The following USP32 variants were observed in gnomAD, a reference collection of about 807,000 sequenced individuals.
USP32 encodes ubiquitin carboxyl-terminal hydrolase 32.
USP32 carries 59 observed loss-of-function variants against 204.8 expected under a neutral mutation model. That is an observed-to-expected ratio of 0.29 (90% CI 0.23 to 0.36). The LOEUF (loss-of-function observed/expected upper bound fraction) is 0.36, where lower values mean the gene tolerates loss of function less well. USP32 is among the 10% of genes least tolerant of loss of function. The pLI, the probability that USP32 is intolerant of heterozygous loss-of-function variation, is 1.00. For synonymous variants in USP32, 517 were observed against 678.4 expected (o/e 0.76, Z 3.70); for missense variants, 1,160 against 1,946.4 (o/e 0.60, Z 7.60).
chr17:60,403,219 T>C (rs2089949908), intron 1 of USP32, among the ~76,000 whole-genome samples: 1 of 152,100 alleles, frequency 6.6e-6, no homozygotes, highest in African/African-American at 2.4e-5. Context: ...GGTTTCACCA[T>C]GTTGGCCAGG....
chr17:60,419,816 A>T (rs1459769479), intron 1 of USP32, among the ~76,000 whole-genome samples: 1 of 101,694 alleles, frequency 9.8e-6, no homozygotes, highest in Non-Finnish European at 1.9e-5. Context: ...AGGTTAAAAA[A>T]AATTATTATT....
chr17:60,337,637 G>A (rs2088552942), intron 2 of USP32, among the ~76,000 whole-genome samples: 1 of 152,146 alleles, frequency 6.6e-6, no homozygotes, highest in Non-Finnish European at 1.5e-5. Context: ...AGCTCTTTGG[G>A]AGGCTGATGA....
chr17:60,268,582 C>CAAAAA (rs57060420), intron 7 of USP32, among the ~76,000 whole-genome samples: 6 of 45,452 alleles, frequency 1.3e-4, no homozygotes, highest in African/African-American at 3.4e-4. Context: ...GACCCTGTCT[C>CAAAAA]AAAAAAAAAA....
At position 60,309,993 on chromosome 17, in the gene USP32, G is replaced by A. The variant is rs1161667868; in HGVS notation, c.187-8289C>T. ...TGGGAGGTGGAGGTTGCAGTGAGCC[G>A]AGATTGTGCCACTGCACTCCAGCCT... On this transcript the variant is annotated intron_variant, in intron 2 of 33. Coordinates refer to ENST00000300896, the MANE Select transcript of USP32 (RefSeq NM_032582.4). Among the ~76,000 whole-genome samples, 5 of 151,806 alleles carry A rather than the reference G, an allele frequency of 3.3e-5. 1 individual carries two copies. The highest frequency in any genetic ancestry group is 2.0e-4 in the Admixed American group (3 of 15,278).
chr17:60,294,406 G>T (rs1369682781), intron 4 of USP32, among the ~76,000 whole-genome samples: 1 of 152,042 alleles, frequency 6.6e-6, no homozygotes, highest in Admixed American at 6.6e-5. Flanking sequence ...GTGTGTGTGT[G>T]TGTATTACTG....
rs141067102 is a variant in USP32, at chr17:60,222,233, T to C, written c.1749+176A>G. 4.6e-4 allele frequency among the ~76,000 whole-genome samples: 70 copies of C among 152,334 alleles called. 1 individual carries two copies. Among genetic ancestry groups the C allele is most frequent in the African/African-American group, 1.6e-3 (65 of 41,574 alleles). On this transcript the variant is annotated intron_variant, in intron 15 of 33. Coordinates refer to ENST00000300896, the MANE Select transcript of USP32 (RefSeq NM_032582.4). ...CCTCCTATTTCCTTGCCTTTATTTA[T>C]GAATGAATGAACGAATGTGAAGGAA...
chr17:60,347,929 T>C (rs2088829389), intron 1 of USP32, among the ~76,000 whole-genome samples: 2 of 151,714 alleles, frequency 1.3e-5, no homozygotes, highest in African/African-American at 2.4e-5. Flanking sequence ...CAGACCATCC[T>C]GGCTAGCACA....
chr17:60,345,922 C>T (rs2088775862), intron 1 of USP32, among the ~76,000 whole-genome samples: 1 of 151,866 alleles, frequency 6.6e-6, no homozygotes. Flanking sequence ...ATGGAGGTTG[C>T]ACTGAGCCAA....
upstream of USP32, among the ~76,000 whole-genome samples, chr17:60,396,845 C>T (rs2089904245): frequency 1.3e-5 from 2 of 152,092 alleles, no homozygotes; most frequent in Admixed American, 1.3e-4. Flanking sequence ...TAAAGTTTAC[C>T]CTATGTTATA....
At chr17:60,266,749 G>C (rs753681827) in intron 7 of USP32, among the ~76,000 whole-genome samples, 24 of 151,234 alleles carry the variant, frequency 1.6e-4, no homozygotes, top group Non-Finnish European at 1.5e-5. Flanking sequence ...TCTGCCTCCC[G>C]GGTTCAAGCA....
intron 2 of USP32, among the ~76,000 whole-genome samples, chr17:60,341,838 T>C (rs1433611597): frequency 6.6e-6 from 1 of 152,230 alleles, no homozygotes; most frequent in Non-Finnish European, 1.5e-5. Flanking sequence ...TTCCTTGCGA[T>C]GGGTTCGAAC....
At chr17:60,292,139 T>C (rs1008583152) in intron 4 of USP32, among the ~76,000 whole-genome samples, 1 of 152,082 alleles carries the variant, frequency 6.6e-6, no homozygotes, top group African/African-American at 2.4e-5. Flanking sequence ...TGAAACATTG[T>C]CCTCAGTTGG....
chr17:60,235,863 G>T (rs1053541980), intron 12 of USP32, among the ~76,000 whole-genome samples: 1 of 152,148 alleles, frequency 6.6e-6, no homozygotes, highest in African/African-American at 2.4e-5. Flanking sequence ...AGAAATAAAT[G>T]AGATGTGATG....
chr17:60,413,876 G>GAAAAAAAAAAAAAAAAAAAAAAAAAAAA (rs753405307), intron 1 of USP32, among the ~76,000 whole-genome samples: 1 of 95,104 alleles, frequency 1.1e-5, no homozygotes, highest in Non-Finnish European at 2.1e-5. Flanking sequence ...AAAAAAAAAA[G>GAAAAAAAAAAAAAAAAAAAAAAAAAAAA]AAAAAAAAAA....
chr17:60,218,998 G>A (rs1458530088), intron 16 of USP32, among the ~76,000 whole-genome samples: 1 of 152,136 alleles, frequency 6.6e-6, no homozygotes, highest in African/African-American at 2.4e-5. Flanking sequence ...GAAATGAAAG[G>A]GGAACTTTTT....
chr17:60,227,833 T>C (rs1303129644), intron 12 of USP32, among the ~76,000 whole-genome samples: 1 of 152,186 alleles, frequency 6.6e-6, no homozygotes, highest in East Asian at 1.9e-4. Flanking sequence ...ACTGCTTCAC[T>C]TTAGTAGCCA....
chr17:60,290,592 G>A (rs2087246427), intron 4 of USP32, among the ~76,000 whole-genome samples: 1 of 152,112 alleles, frequency 6.6e-6, no homozygotes, highest in Admixed American at 6.5e-5. Context: ...CTTAGTGGTT[G>A]CGATATTGTT....
intron 3 of USP32, among the ~76,000 whole-genome samples, chr17:60,298,094 C>T (rs962398156): frequency 1.3e-5 from 2 of 148,588 alleles, no homozygotes; most frequent in African/African-American, 5.2e-5. Flanking sequence ...AAGTCTCCAC[C>T]CCAAAGTAAA....
chr17:60,362,327 C>T (rs1011753103), intron 1 of USP32, among the ~76,000 whole-genome samples: 1 of 152,176 alleles, frequency 6.6e-6, no homozygotes, highest in Non-Finnish European at 1.5e-5. Context: ...CATGAATCAA[C>T]CAGTAACAAT....
Sources: gnomAD v4.1 joint callset for allele counts (sites outside exome capture counted in the v4.1 genomes callset) on GRCh38, gnomAD v4.1.1 for gene constraint, MANE v1.5 for transcripts, NCBI Gene and HGNC (gene_info 2026-07-23, HGNC 2026-07-21) for gene names.